Variants in GIT1 observed in about 807,000 individuals in gnomAD.
GIT1 encodes ARF GTPase-activating protein GIT1.
GIT1 carries 14 observed loss-of-function variants against 91.7 expected under a neutral mutation model. The ratio of observed to expected loss-of-function variants is 0.15; its 90% CI spans 0.10 to 0.24. The LOEUF is 0.24. Ranked by LOEUF, GIT1 falls within the 10% of genes least tolerant of loss-of-function variation. The pLI, the probability that GIT1 is intolerant of heterozygous loss-of-function variation, is 1.00. For missense variants in GIT1, 717 were observed against 1,024.9 expected (o/e 0.70, Z 4.10); for synonymous variants, 414 against 418.2 (o/e 0.99, Z 0.12).
At position 29,576,556 on chromosome 17, in the gene GIT1, C is replaced by A. The variant is rs1164795361; in HGVS notation, c.1346G>T (p.Ser449Ile). ...KVQQLMKVNSSLSDELRRLQR... is the reference protein window; with the variant it reads ...KVQQLMKVNSILSDELRRLQR... ...CAGCCTCCGGAGCTCGTCGCTCAGG[C>A]TACTGTTGACCTTCATGAGCTGCTG... Residue 449 changes from serine (S) to isoleucine (I), a missense_variant, in exon 13 of 20, where the codon AGC becomes ATC. By Grantham distance (142) the Ser-to-Ile change is moderately radical (BLOSUM62 -2). Around this residue, in one of 3 missense-constraint regions of GIT1, gnomAD observed 312 missense variants for 349.5 expected, o/e 0.89. Transcript: ENST00000225394. 12 of 1,614,004 alleles carry A rather than the reference C, an allele frequency of 7.4e-6. No individual in the cohort carries two copies. Among genetic ancestry groups the A allele is most frequent in the Non-Finnish European group, 1.0e-5 (12 of 1,180,018 alleles).
At chr17:29,578,955 C>T (rs2033307737) in intron 7 of GIT1, 176 bp from the exon 8 acceptor site, 1 of 1,613,610 alleles carries the variant, frequency 6.2e-7, no homozygotes, top group South Asian at 1.1e-5. Flanking sequence ...CGGCAGGCAC[C>T]ATATACCTCT....
At chr17:29,578,887 C>A (rs545419785) in intron 7 of GIT1, 108 bp from the exon 8 acceptor site, 2 of 1,569,802 alleles carry the variant, frequency 1.3e-6, no homozygotes, top group East Asian at 2.2e-5. Flanking sequence ...GAGATGGCAC[C>A]CCAGATGCTG....
At position 29,576,789 on chromosome 17, in the gene GIT1, A is replaced by G. The variant is rs2033221312; in HGVS notation, c.1227+74T>C. Reference sequence around the variant, plus strand: ...CTGTCCCTCAGGCCCCTGGGCTACAAGAGGACAGAGCTGGGCCTCAGCGAA... The same window carrying G: ...CTGTCCCTCAGGCCCCTGGGCTACAGGAGGACAGAGCTGGGCCTCAGCGAA... On this transcript the variant is annotated intron_variant, in intron 12 of 19. Coordinates refer to ENST00000225394, the MANE Select transcript of GIT1 (RefSeq NM_014030.4). 9 of 1,575,958 alleles carry G rather than the reference A, an allele frequency of 5.7e-6. No individual in the cohort carries two copies. In the East Asian group the frequency reaches 2.1e-4, roughly 36 times the overall value.
At chr17:29,583,461 A>G in intron 2 of GIT1, 22 bp downstream of exon 2, 1 of 1,608,622 alleles carries the variant, frequency 6.2e-7, no homozygotes, top group Admixed American at 1.7e-5. Flanking sequence ...GGAAGGAAGA[A>G]CCACCCGACT....
chr17:29,582,539 C>G (rs557335005), intron 4 of GIT1, among the ~76,000 whole-genome samples, 159 bp downstream of exon 4: 1 of 152,336 alleles, frequency 6.6e-6, no homozygotes, highest in South Asian at 2.1e-4. Flanking sequence ...CCACACACGG[C>G]CTGACCCAAC....
Position 29,589,259 on chromosome 17 carries a change from C to T in GIT1, c.52+68G>A. 1 of 498,240 alleles carries T rather than the reference C, an allele frequency of 2.0e-6. No homozygotes were observed. Among genetic ancestry groups the T allele is most frequent in the Non-Finnish European group, 2.6e-6 (1 of 383,112 alleles). The allele number at this position is 498,240 out of a possible 1,614,324, so 30.9% of individuals were successfully genotyped here. A position where few individuals can be genotyped will look rare whatever the true frequency, so the allele number is the denominator to read the frequency against. On this transcript the variant is annotated intron_variant, in intron 1 of 19. Coordinates refer to ENST00000225394, the MANE Select transcript of GIT1 (RefSeq NM_014030.4). This position sits in a 1 kb window ranked among gnomAD's most constrained non-coding sequence, Gnocchi z 5.2. Reference sequence around the variant, plus strand: ...CCTCCGGCCCCGCACAGCGCTCTTGCCAGGCCCCGGCGCCCGCCCGGCGGC... The same window carrying T: ...CCTCCGGCCCCGCACAGCGCTCTTGTCAGGCCCCGGCGCCCGCCCGGCGGC...
chr17:29,580,382 T>C (rs1345983297), intron 7 of GIT1, among the ~76,000 whole-genome samples: 1 of 152,224 alleles, frequency 6.6e-6, no homozygotes, highest in Non-Finnish European at 1.5e-5. Context: ...GGCCTGGTTA[T>C]GCCCATCTGC....
intron 7 of GIT1, among the ~76,000 whole-genome samples, chr17:29,579,956 A>G (rs1160819918): frequency 6.6e-6 from 1 of 151,984 alleles, no homozygotes; most frequent in African/African-American, 2.4e-5. Context: ...GGGGCTGCTC[A>G]TTCTCCAGCT....
chr17:29,576,976 G>A lies in GIT1; in HGVS notation c.1114C>T (p.Arg372Trp), dbSNP rs867941189. The change falls in exon 12 of 20, where the codon CGG (arginine) becomes TGG (tryptophan). Residue 372 changes from arginine (R) to tryptophan (W), a missense_variant. By Grantham distance (101) the Arg-to-Trp change is moderately radical (BLOSUM62 -3). Transcript: ENST00000225394. ...TGGTCGTCGAGGTCACTCTGGCTCC[G>A]CAGAGACAGCTCGAGGTTGTCTGAG... ...SPTDNLELSL[R>W]SQSDLDDQHD... 5.0e-6 allele frequency: 8 copies of A among 1,602,612 alleles called. No homozygotes were observed. The highest frequency in any genetic ancestry group is 5.1e-6 in the Non-Finnish European group (6 of 1,179,476).
Position 29,589,238 on chromosome 17 carries a change from C to A in GIT1, c.52+89G>T, listed in dbSNP as rs573749070. ...CAGCCCCCCGCCCCGCCCAGCCCTC[C>A]GGCCCCGCACAGCGCTCTTGCCAGG... On this transcript the variant is annotated intron_variant, in intron 1 of 19. Coordinates refer to ENST00000225394, the MANE Select transcript of GIT1 (RefSeq NM_014030.4). This position sits in a 1 kb window ranked among gnomAD's most constrained non-coding sequence, Gnocchi z 5.2. The A allele has an allele frequency of 9.6e-4, 386 of 403,918 alleles. 2 individuals are homozygous for A. The highest frequency in any genetic ancestry group is 8.2e-3 in the African/African-American group (378 of 46,150). 25.0% of individuals were successfully genotyped at this position (403,918 alleles called of 1,614,324 possible).
chr17:29,578,882 G>A, intron 7 of GIT1, 103 bp from the exon 8 acceptor site: 1 of 1,558,428 alleles, frequency 6.4e-7, no homozygotes. Flanking sequence ...CCGGGGAGAT[G>A]GCACCCCAGA....
intron 1 of GIT1, among the ~76,000 whole-genome samples, chr17:29,584,865 C>T (rs902149821): frequency 2.0e-5 from 3 of 151,846 alleles, no homozygotes; most frequent in Non-Finnish European, 2.9e-5. Context: ...GACTCTGAGT[C>T]AGGGGCCCAG....
Position 29,575,375 on chromosome 17 carries a change from C to G in GIT1, c.1922G>C (p.Ser641Thr). 1 of 1,613,680 alleles carries G rather than the reference C, an allele frequency of 6.2e-7. No individual in the cohort carries two copies. The highest frequency in any genetic ancestry group is 1.1e-5 in the South Asian group (1 of 91,086). The change falls in exon 18 of 20, where the codon AGC becomes ACC. Residue 641 changes from serine to threonine, a missense_variant. Physicochemically the swap from Ser to Thr is moderately conservative, Grantham distance 58. This residue lies in a region of GIT1 where 134 missense variants were observed against 223.8 expected (regional missense o/e 0.60). Coordinates refer to ENST00000225394, the MANE Select transcript of GIT1 (RefSeq NM_014030.4). This position sits in a 1 kb window ranked among gnomAD's most constrained non-coding sequence, Gnocchi z 5.5. ...TGTCTTCAAGATGACATCCTCTGTGCTGGGAAGCCCAGGATCTAGGTCTCC... is the reference window on the plus strand; with the variant it reads ...TGTCTTCAAGATGACATCCTCTGTGGTGGGAAGCCCAGGATCTAGGTCTCC... The part of the protein sequence containing the change: ...LDGDLDPGLP[S>T]TEDVILKTEQ...
intron 1 of GIT1, among the ~76,000 whole-genome samples, chr17:29,584,121 A>G (rs1383457431): frequency 2.6e-5 from 4 of 152,182 alleles, no homozygotes; most frequent in Non-Finnish European, 1.5e-5. Context: ...TGCCATCATC[A>G]CTGAGGGTGT....
rs746865641 is a variant in GIT1 at position 29,576,398 on chromosome 17, A to G, written c.1433T>C (p.Val478Ala). 4 of 1,613,284 alleles carry G rather than the reference A, an allele frequency of 2.5e-6. No homozygotes were observed. The South Asian group carries it at 4.4e-5, about 18-fold the overall frequency. Residue 478 changes from valine (V) to alanine (A), a missense_variant, in exon 14 of 20, where the codon GTG becomes GCG. By Grantham distance (64) the Val-to-Ala change is moderately conservative. Around this residue, in one of 3 missense-constraint regions of GIT1, gnomAD observed 312 missense variants for 349.5 expected, o/e 0.89. Coordinates refer to ENST00000225394, the MANE Select transcript of GIT1 (RefSeq NM_014030.4). Reference sequence around the variant, plus strand: ...TTCACTGGGGAGTGGAGGTGTGGGCACCGGCCCTGGAGGCTGCCGGAGCTG... The same window carrying G: ...TTCACTGGGGAGTGGAGGTGTGGGCGCCGGCCCTGGAGGCTGCCGGAGCTG... ...NLQLRQPPGPVPTPPLPSERA... is the reference protein window; with the variant it reads ...NLQLRQPPGPAPTPPLPSERA...
At chr17:29,585,530 T>C (rs1029101519) in intron 1 of GIT1, among the ~76,000 whole-genome samples, 1 of 152,056 alleles carries the variant, frequency 6.6e-6, no homozygotes, top group Non-Finnish European at 1.5e-5. Flanking sequence ...AGGAGTGTGG[T>C]CCAAGGGTTT....
At chr17:29,582,357 C>G (rs1368408621) in intron 4 of GIT1, among the ~76,000 whole-genome samples, 1 of 152,244 alleles carries the variant, frequency 6.6e-6, no homozygotes, top group Non-Finnish European at 1.5e-5. Flanking sequence ...GTGCTGTGTG[C>G]CCTGCTTAGA....
intron 3 of GIT1, 43 bp from the exon 4 acceptor site, chr17:29,582,846 G>A: frequency 6.4e-7 from 1 of 1,572,062 alleles, no homozygotes; most frequent in Non-Finnish European, 8.8e-7. Context: ...TGGTGGGAGA[G>A]GGTGGTCACC....
Position 29,574,506 on chromosome 17 carries a change from G to T in GIT1, c.*196C>A, listed in dbSNP as rs745922170. The T allele has an allele frequency of 4.7e-6, 3 of 639,686 alleles. No individual in the cohort carries two copies. The highest frequency in any genetic ancestry group is 8.4e-6 in the Non-Finnish European group (3 of 357,230). 39.6% of individuals were successfully genotyped at this position (639,686 alleles called of 1,614,324 possible). Reference sequence around the variant, plus strand: ...GGTGCATGGAATGTGGGGGACAGAAGCTCCTGCCCCCCCACCTCCCCATCC... The same window carrying T: ...GGTGCATGGAATGTGGGGGACAGAATCTCCTGCCCCCCCACCTCCCCATCC... On this transcript the variant is annotated 3_prime_UTR_variant, in exon 20 of 20. Coordinates refer to ENST00000225394, the MANE Select transcript of GIT1 (RefSeq NM_014030.4).
Sources: gnomAD v4.1 joint callset for allele counts (sites outside exome capture counted in the v4.1 genomes callset) on GRCh38, gnomAD v4.1.1 for gene constraint, gnomAD v4.1.1 regional missense constraint, Gnocchi (gnomAD v3.1) non-coding constraint, MANE v1.5 for transcripts, NCBI Gene and HGNC (gene_info 2026-07-23, HGNC 2026-07-21) for gene names.